The following LRCH1 variants were observed in gnomAD, a reference collection of about 807,000 sequenced individuals.
The protein encoded by LRCH1 is leucine-rich repeat and calponin homology domain-containing protein 1.
In LRCH1, 23 loss-of-function variants were observed where a neutral mutation model predicts 94.9. The observed-to-expected ratio is 0.24, with a 90% CI of 0.17 to 0.34. LRCH1 has a LOEUF of 0.34. LRCH1 is among the 10% of genes least tolerant of loss of function. The pLI is 1.00. For missense variants in LRCH1, 790 were observed against 945.9 expected, an observed-to-expected ratio of 0.84 and a Z score of 2.16; for synonymous variants, 364 against 354.9, an observed-to-expected ratio of 1.03 and a Z score of -0.29.
chr13:46,684,902 T>C (rs1333193065), intron 4 of LRCH1, among the ~76,000 whole-genome samples: 1 of 152,228 alleles, frequency 6.6e-6, no homozygotes, highest in Non-Finnish European at 1.5e-5. Flanking sequence ...TGACATAACG[T>C]AGCTGAGTAA....
At chr13:46,667,810 A>AGC (rs2051539807) in intron 2 of LRCH1, among the ~76,000 whole-genome samples, 1 of 152,244 alleles carries the variant, frequency 6.6e-6, no homozygotes, top group Non-Finnish European at 1.5e-5. Context: ...AGTTTGGAAA[A>AGC]TACATCAAAG....
In LRCH1 at chr13:46,616,319, T is replaced by C. The variant is rs112714951; in HGVS notation, c.308-33882T>C. On this transcript the variant is annotated intron_variant, in intron 1 of 19. Transcript: ENST00000389797. ...AGCCCTGTAAACTAGACTTTTATGC[T>C]ACGGCGCCATAAAAATAACTTATTT... 5.1e-3 allele frequency among the ~76,000 whole-genome samples: 782 copies of C among 152,324 alleles called. 8 individuals carry two copies. The highest frequency in any genetic ancestry group is 0.018 in the African/African-American group (760 of 41,568).
At chr13:46,595,574 C>A (rs773446239) in intron 1 of LRCH1, among the ~76,000 whole-genome samples, 2 of 152,220 alleles carry the variant, frequency 1.3e-5, no homozygotes, top group Non-Finnish European at 2.9e-5. Context: ...GGGCTGAAGC[C>A]ACATCTGCAC....
At position 46,649,007 on chromosome 13, in the gene LRCH1, C is replaced by G. The variant is rs145753612; in HGVS notation, c.308-1194C>G. Among the ~76,000 whole-genome samples the G allele has an allele frequency of 2.8e-3, 420 of 152,196 alleles. 1 individual carries two copies. The highest frequency in any genetic ancestry group is 9.5e-3 in the African/African-American group (393 of 41,528). On this transcript the variant is annotated intron_variant, in intron 1 of 19. Transcript: ENST00000389797. Reference sequence around the variant, plus strand: ...CCATAAAAAAGGACGATTTTATGTTCTTTGCAGGGACATGGATGAAGCTGG... The same window carrying G: ...CCATAAAAAAGGACGATTTTATGTTGTTTGCAGGGACATGGATGAAGCTGG...
chr13:46,594,436 A>G (rs1466867336), intron 1 of LRCH1, among the ~76,000 whole-genome samples: 1 of 152,182 alleles, frequency 6.6e-6, no homozygotes, highest in East Asian at 1.9e-4. Flanking sequence ...AGAAAATTCA[A>G]TGAAGCGATC....
At chr13:46,735,218 CTA>C (rs1873311088) in intron 19 of LRCH1, among the ~76,000 whole-genome samples, 1 of 152,210 alleles carries the variant, frequency 6.6e-6, no homozygotes, top group African/African-American at 2.4e-5. Context: ...TATAATCTGT[CTA>C]TTGTGTGTGT....
chr13:46,691,931 A>G (rs541346906), intron 7 of LRCH1, among the ~76,000 whole-genome samples: 4 of 151,842 alleles, frequency 2.6e-5, no homozygotes, highest in Non-Finnish European at 4.4e-5. Context: ...CTTGTGATCC[A>G]CCTGCCTCAG....
chr13:46,744,004 A>G lies in LRCH1; in HGVS notation c.*2156A>G. The G allele has an allele frequency of 1.0e-6, 1 of 985,404 alleles. No homozygotes were observed. The highest frequency in any genetic ancestry group is 1.2e-6 in the Non-Finnish European group (1 of 829,896). 61.0% of individuals were successfully genotyped at this position (985,404 alleles called of 1,614,324 possible). ...TATTGGATGATGTTTTTTCATTAGT[A>G]GTATGGTAACTAGCAGAACACAATT... On this transcript the variant is annotated 3_prime_UTR_variant, in exon 20 of 20. Coordinates refer to ENST00000389797, the MANE Select transcript of LRCH1 (RefSeq NM_001164211.2).
At chr13:46,574,648 T>C (rs1219000651) in intron 1 of LRCH1, among the ~76,000 whole-genome samples, 1 of 152,192 alleles carries the variant, frequency 6.6e-6, no homozygotes, top group Non-Finnish European at 1.5e-5. Flanking sequence ...TCCTTCTCAA[T>C]TATTCCCTCT....
intron 1 of LRCH1, among the ~76,000 whole-genome samples, chr13:46,638,946 T>C (rs916801496): frequency 3.3e-5 from 5 of 152,320 alleles, no homozygotes; most frequent in African/African-American, 1.2e-4. Flanking sequence ...AAAGAAAATC[T>C]AAGAAATTGA....
intron 17 of LRCH1, among the ~76,000 whole-genome samples, chr13:46,725,658 C>T (rs1167274435): frequency 2.0e-5 from 3 of 152,174 alleles, no homozygotes; most frequent in Non-Finnish European, 4.4e-5. Context: ...TTTGTTATAG[C>T]AGATGATACT....
intron 19 of LRCH1, among the ~76,000 whole-genome samples, chr13:46,740,193 A>C (rs188675368): frequency 6.6e-6 from 1 of 152,358 alleles, no homozygotes; most frequent in Admixed American, 6.5e-5. Flanking sequence ...GAGCAGCATC[A>C]GTCTCCCAGT....
chr13:46,668,221 T>C (rs913589898), intron 2 of LRCH1, among the ~76,000 whole-genome samples: 5 of 152,066 alleles, frequency 3.3e-5, no homozygotes, highest in Non-Finnish European at 5.9e-5. Context: ...ATTTTATTTA[T>C]CTAGTATTTT....
intron 1 of LRCH1, among the ~76,000 whole-genome samples, chr13:46,608,783 TAA>T (rs2050715184): frequency 6.6e-6 from 1 of 152,240 alleles, no homozygotes; most frequent in African/African-American, 2.4e-5. Flanking sequence ...AGTGGGTTTC[TAA>T]AAATAGATTT....
chr13:46,718,758 C>G lies in LRCH1; in HGVS notation c.1759+3094C>G, dbSNP rs150853894. On this transcript the variant is annotated intron_variant, in intron 16 of 19. Transcript: ENST00000389797. ...TTTTTTCAAAGCCAAGATACTGCTG[C>G]CTTTGAGTTTGTATATCTTAAACAT... is the stretch of plus-strand genomic sequence containing the variant. Among the ~76,000 whole-genome samples, 1,107 of 152,290 alleles carry G rather than the reference C, an allele frequency of 7.3e-3. 8 individuals are homozygous for G. The highest frequency in any genetic ancestry group is 0.013 in the Non-Finnish European group (878 of 68,032).
intron 1 of LRCH1, among the ~76,000 whole-genome samples, chr13:46,625,884 A>G (rs1209751295): frequency 6.6e-6 from 1 of 151,806 alleles, no homozygotes; most frequent in Non-Finnish European, 1.5e-5. Flanking sequence ...AACTCCTGGA[A>G]TCAAGTGATC....
intron 3 of LRCH1, among the ~76,000 whole-genome samples, chr13:46,678,184 A>G (rs1444165118): frequency 6.6e-6 from 1 of 152,224 alleles, no homozygotes; most frequent in Non-Finnish European, 1.5e-5. Context: ...AATTTGAACA[A>G]AAGTGTTCTA....
In LRCH1 at chr13:46,742,346, C is replaced by G; in HGVS notation, c.*498C>G. 1.0e-6 allele frequency: 1 copy of G among 999,212 alleles called. No individual in the cohort carries two copies. Among genetic ancestry groups the G allele is most frequent in the Non-Finnish European group, 1.2e-6 (1 of 837,686 alleles). The allele number at this position is 999,212 out of a possible 1,614,324, so 61.9% of individuals were successfully genotyped here. Reference sequence around the variant, plus strand: ...AACTAACATTTTGGCCCAACTTGATCTATACAAAACTTTAATAATACCACT... The same window carrying G: ...AACTAACATTTTGGCCCAACTTGATGTATACAAAACTTTAATAATACCACT... On this transcript the variant is annotated 3_prime_UTR_variant, in exon 20 of 20. Transcript: ENST00000389797.
At chr13:46,723,441 C>A in intron 17 of LRCH1, 111 bp downstream of exon 17, 1 of 771,386 alleles carries the variant, frequency 1.3e-6, no homozygotes, top group Non-Finnish European at 2.1e-6. Context: ...CTAGCCAGGT[C>A]ACTTAGTGAC....
Sources: allele counts gnomAD v4.1 joint callset (sites outside exome capture counted in the v4.1 genomes callset), GRCh38; gene constraint gnomAD v4.1.1; transcripts MANE v1.5; gene names NCBI Gene and HGNC (gene_info 2026-07-23, HGNC 2026-07-21).